Variants in NHSL1 observed in about 807,000 individuals in gnomAD.
The protein encoded by NHSL1 is NHS-like protein 1.
Under a neutral mutation model 95.0 loss-of-function variants are expected in NHSL1, and 48 were observed. That is an observed-to-expected ratio of 0.51 (90% CI 0.40 to 0.64). NHSL1 has a LOEUF of 0.64. Ranked by LOEUF, NHSL1 falls within the 30% of genes least tolerant of loss-of-function variation. The probability of loss-of-function intolerance (pLI) is 0.00; values close to 1 mark genes in which losing one functional copy is unlikely to be tolerated. For synonymous variants in NHSL1, 783 were observed against 833.9 expected (o/e 0.94, Z 1.05); for missense variants, 1,971 against 2,077.7 (o/e 0.95, Z 1.00).
Position 138,424,715 on chromosome 6 carries a change from A to G in NHSL1, c.4187T>C (p.Leu1396Pro), listed in dbSNP as rs757972416. The change falls in exon 8 of 8, where the codon CTG becomes CCG. Residue 1396 changes from leucine (L) to proline (P), a missense_variant. Physicochemically the swap from Leu to Pro is moderately conservative, Grantham distance 98 (BLOSUM62 -3). This residue lies in a region of NHSL1 where 146 missense variants were observed against 206.3 expected (regional missense o/e 0.71). Coordinates refer to ENST00000343505, the MANE Select transcript of NHSL1 (RefSeq NM_001144060.2). This position sits in a 1 kb window ranked among gnomAD's most constrained non-coding sequence, Gnocchi z 5.9. ...CGACCCCACTTGCTTTGGAGAGGCC[A>G]GGCTTGGGGCAGCGCCGGTGGGTGT... ...PVTPTGAAPSLASPKQVGSIQ... is the reference protein window; with the variant it reads ...PVTPTGAAPSPASPKQVGSIQ... 6.4e-7 allele frequency: 1 copy of G among 1,551,462 alleles called. No individual in the cohort carries two copies. The highest frequency in any genetic ancestry group is 2.4e-5 in the East Asian group (1 of 40,922).
chr6:138,653,449 G>T (rs1197423540), intron 1 of NHSL1, among the ~76,000 whole-genome samples: 1 of 152,142 alleles, frequency 6.6e-6, no homozygotes, highest in Non-Finnish European at 1.5e-5. Flanking sequence ...AGATATGCGG[G>T]AGGCTGAGGC....
intron 1 of NHSL1, among the ~76,000 whole-genome samples, chr6:138,534,880 C>A (rs571934661): frequency 6.6e-5 from 10 of 152,280 alleles, no homozygotes; most frequent in African/African-American, 1.4e-4. Flanking sequence ...GACTGTAGTT[C>A]GGCAGGGAAA....
intron 1 of NHSL1, among the ~76,000 whole-genome samples, chr6:138,663,024 C>A (rs1583470836): frequency 8.8e-6 from 1 of 114,056 alleles, no homozygotes. Context: ...GCCAAGTACA[C>A]AAAGCTACAT....
chr6:138,514,087 C>T (rs1382077115), intron 1 of NHSL1, among the ~76,000 whole-genome samples: 2 of 152,066 alleles, frequency 1.3e-5, no homozygotes, highest in African/African-American at 2.4e-5. Flanking sequence ...GAGGCCAAGG[C>T]GGGCGGATCA....
At chr6:138,567,985 G>A (rs1770733525) in intron 1 of NHSL1, among the ~76,000 whole-genome samples, 2 of 152,052 alleles carry the variant, frequency 1.3e-5, no homozygotes, top group Admixed American at 6.6e-5. Flanking sequence ...ATGAGAAGAC[G>A]GACACCCCAT....
At chr6:138,687,177 G>C (rs1785595351) in intron 1 of NHSL1, among the ~76,000 whole-genome samples, 1 of 151,964 alleles carries the variant, frequency 6.6e-6, no homozygotes, top group Non-Finnish European at 1.5e-5. Context: ...GCTCACACCA[G>C]TAATCCCAGC....
chr6:138,455,266 A>T lies in NHSL1; in HGVS notation c.340-8073T>A, dbSNP rs564821997. Among the ~76,000 whole-genome samples, 32 of 152,330 alleles carry T rather than the reference A, an allele frequency of 2.1e-4. 1 individual carries two copies. The South Asian group carries it at 6.4e-3, about 31-fold the overall frequency. Reference sequence around the variant, plus strand: ...CGACTGTAAGCTGCCCTAGGCCAAGAATGGGATCCATATACTGAGACCAAG... The same window carrying T: ...CGACTGTAAGCTGCCCTAGGCCAAGTATGGGATCCATATACTGAGACCAAG... On this transcript the variant is annotated intron_variant, in intron 3 of 7. Transcript: ENST00000343505.
Position 138,431,839 on chromosome 6 carries a change from T to C in NHSL1, c.2506A>G (p.Ile836Val). 6.4e-7 allele frequency: 1 copy of C among 1,551,648 alleles called. No individual in the cohort carries two copies. The highest frequency in any genetic ancestry group is 8.7e-7 in the Non-Finnish European group (1 of 1,146,974). Residue 836 changes from isoleucine (I) to valine (V), a missense_variant, in exon 6 of 8, where the codon ATC becomes GTC. By Grantham distance (29) the Ile-to-Val change is conservative. Transcript: ENST00000343505. This position sits in a 1 kb window ranked among gnomAD's most constrained non-coding sequence, Gnocchi z 4.0. ...CTGTGTGACTTCTCTGGTGACATGA[T>C]CTTTGGTTTGACTGAACCACCGGGC... ...QVPGGSVKPK[I>V]MSPEKSHRVI...
intron 1 of NHSL1, among the ~76,000 whole-genome samples, chr6:138,635,517 G>T (rs1784875964): frequency 6.6e-6 from 1 of 152,052 alleles, no homozygotes; most frequent in Non-Finnish European, 1.5e-5. Context: ...ACCAATAGAA[G>T]TAATGAGATC....
chr6:138,441,900 T>G, intron 5 of NHSL1, 83 bp downstream of exon 5: 1 of 1,299,906 alleles, frequency 7.7e-7, no homozygotes. Flanking sequence ...ATGTATCGAT[T>G]TTATAAGCAC....
At chr6:138,610,539 T>TAAAAAAA (rs1390403525) in intron 1 of NHSL1, among the ~76,000 whole-genome samples, 5 of 114,598 alleles carry the variant, frequency 4.4e-5, no homozygotes, top group African/African-American at 2.4e-4. Flanking sequence ...AAAAGTATAA[T>TAAAAAAA]AATAAAAAAA....
chr6:138,665,424 A>C (rs1249651828), intron 1 of NHSL1, among the ~76,000 whole-genome samples: 1 of 152,168 alleles, frequency 6.6e-6, no homozygotes, highest in Non-Finnish European at 1.5e-5. Context: ...TCCCGACTTT[A>C]CAACTTCTGT....
At chr6:138,651,344 T>C (rs1325672247) in intron 1 of NHSL1, among the ~76,000 whole-genome samples, 1 of 152,268 alleles carries the variant, frequency 6.6e-6, no homozygotes, top group Non-Finnish European at 1.5e-5. Flanking sequence ...ATGACAGTTT[T>C]CCTTTGTATT....
intron 1 of NHSL1, among the ~76,000 whole-genome samples, chr6:138,611,677 C>T (rs560635604): frequency 1.3e-5 from 2 of 152,058 alleles, no homozygotes; most frequent in African/African-American, 2.4e-5. Flanking sequence ...ACCCGGGAGG[C>T]GGAGCTTGCA....
At chr6:138,574,781 A>G (rs947273382), upstream of NHSL1, among the ~76,000 whole-genome samples, 1 of 152,028 alleles carries the variant, frequency 6.6e-6, no homozygotes, top group Non-Finnish European at 1.5e-5. Flanking sequence ...GAGCCCAGGA[A>G]ATCGAGGCTT....
chr6:138,431,535 G>A lies in NHSL1; in HGVS notation c.2810C>T (p.Ser937Phe), dbSNP rs1435148983. The A allele has an allele frequency of 1.3e-6, 2 of 1,551,090 alleles. No individual in the cohort carries two copies. The highest frequency in any genetic ancestry group is 1.7e-6 in the Non-Finnish European group (2 of 1,146,620). ...PPAPPPPPVP[S>F]PPFPCPADRS... ...GTCTGCAGGACAAGGGAATGGAGGA[G>A]AGGGAACAGGAGGAGGAGGAGGAGC... Residue 937 changes from serine to phenylalanine, a missense_variant, in exon 6 of 8, where the codon TCT becomes TTT. This residue lies in a region of NHSL1 where 1,602 missense variants were observed against 1,654.5 expected (regional missense o/e 0.97). Transcript: ENST00000343505. The surrounding 1 kb of genome is among the most constrained non-coding windows in gnomAD (Gnocchi z 4.0).
chr6:138,487,286 G>A (rs967454621), intron 2 of NHSL1, among the ~76,000 whole-genome samples: 1 of 152,122 alleles, frequency 6.6e-6, no homozygotes, highest in Non-Finnish European at 1.5e-5. Flanking sequence ...TTTAACTAGG[G>A]CAGGCTGACC....
At chr6:138,461,736 T>C (rs917722859) in intron 3 of NHSL1, among the ~76,000 whole-genome samples, 7 of 152,126 alleles carry the variant, frequency 4.6e-5, no homozygotes, top group East Asian at 1.9e-4. Context: ...CATGTTTAAT[T>C]ATAAAGTTGA....
chr6:138,598,410 A>G (rs1024369949), intron 1 of NHSL1, among the ~76,000 whole-genome samples: 6 of 151,376 alleles, frequency 4.0e-5, no homozygotes, highest in African/African-American at 1.5e-4. Flanking sequence ...GTGAGTCAAG[A>G]TTGCGCCACT....
Sources: gnomAD v4.1 joint callset for allele counts (sites outside exome capture counted in the v4.1 genomes callset) on GRCh38, gnomAD v4.1.1 for gene constraint, gnomAD v4.1.1 regional missense constraint, Gnocchi (gnomAD v3.1) non-coding constraint, MANE v1.5 for transcripts, NCBI Gene and HGNC (gene_info 2026-07-23, HGNC 2026-07-21) for gene names.